ARB2A: variants seen among roughly 807,000 people sequenced by gnomAD.
The protein encoded by ARB2A is ARB2 cotranscriptional regulator A, also known as cotranscriptional regulator ARB2A.
At chr5:93,702,406 T>G in the ARB2A span, among the ~76,000 whole-genome samples, 1 of 152,156 alleles carries the variant, frequency 6.6e-6, no homozygotes, top group African/African-American at 2.4e-5. Context: ...CTTAGCCTAC[T>G]GAATTTTTAT....
At chr5:93,626,112 A>G in the ARB2A span, among the ~76,000 whole-genome samples, 1 of 152,246 alleles carries the variant, frequency 6.6e-6, no homozygotes, top group African/African-American at 2.4e-5. Context: ...TTTTGAAGCT[A>G]TATGTCATTT....
the ARB2A span, among the ~76,000 whole-genome samples, chr5:93,775,133 A>G: frequency 1.1e-4 from 16 of 152,148 alleles, no homozygotes; most frequent in Non-Finnish European, 2.1e-4. Context: ...TAGACTTATA[A>G]AATTCAGCTG....
the ARB2A span, among the ~76,000 whole-genome samples, chr5:94,079,800 A>G: frequency 6.6e-6 from 1 of 152,200 alleles, no homozygotes; most frequent in South Asian, 2.1e-4. Context: ...TGGCAAAACA[A>G]GCATCTGAAA....
chr5:93,654,714 GC>G, the ARB2A span, among the ~76,000 whole-genome samples: 1 of 152,012 alleles, frequency 6.6e-6, no homozygotes, highest in Non-Finnish European at 1.5e-5. Context: ...CTTGTTACCT[GC>G]AAAACTTATC....
At chr5:93,858,027 T>G in the ARB2A span, among the ~76,000 whole-genome samples, 1 of 152,226 alleles carries the variant, frequency 6.6e-6, no homozygotes, top group Non-Finnish European at 1.5e-5. Context: ...GATTTATTAC[T>G]GCAAAACATC....
chr5:93,718,181 C>T, the ARB2A span, among the ~76,000 whole-genome samples: 2 of 151,988 alleles, frequency 1.3e-5, no homozygotes, highest in Admixed American at 6.5e-5. Flanking sequence ...GTGGCTCACA[C>T]CTGTAATCCC....
the ARB2A span, among the ~76,000 whole-genome samples, chr5:94,009,510 A>G: frequency 1.3e-5 from 2 of 152,090 alleles, no homozygotes; most frequent in East Asian, 3.8e-4. Flanking sequence ...TACCTTACAT[A>G]GAATTAATAT....
chr5:93,836,354 G>T, the ARB2A span, among the ~76,000 whole-genome samples: 1 of 152,152 alleles, frequency 6.6e-6, no homozygotes, highest in South Asian at 2.1e-4. Flanking sequence ...TTCAGCAATT[G>T]GCCAGTGGAG....
At chr5:93,898,210 A>T in the ARB2A span, among the ~76,000 whole-genome samples, 1 of 151,938 alleles carries the variant, frequency 6.6e-6, no homozygotes. Flanking sequence ...GTTCTTTTAG[A>T]TACTTTTATT....
the ARB2A span, among the ~76,000 whole-genome samples, chr5:93,776,761 G>C: frequency 3.3e-5 from 5 of 152,128 alleles, no homozygotes; most frequent in African/African-American, 1.2e-4. Context: ...CTGGGTGACA[G>C]AGGGAGACCC....
At chr5:93,923,969 G>A in the ARB2A span, among the ~76,000 whole-genome samples, 2 of 152,118 alleles carry the variant, frequency 1.3e-5, no homozygotes, top group African/African-American at 4.8e-5. Flanking sequence ...GAGAGGGACA[G>A]AGAAAGAAGA....
the ARB2A span, among the ~76,000 whole-genome samples, chr5:93,982,931 T>C: frequency 6.6e-6 from 1 of 152,098 alleles, no homozygotes; most frequent in Non-Finnish European, 1.5e-5. Flanking sequence ...GGCATGCACC[T>C]GTAGCCTCAA....
At chr5:93,907,392 T>C in the ARB2A span, among the ~76,000 whole-genome samples, 1 of 151,620 alleles carries the variant, frequency 6.6e-6, no homozygotes, top group Admixed American at 6.6e-5. Context: ...CAAGGATTCT[T>C]ATTTTCAGAT....
the ARB2A span, among the ~76,000 whole-genome samples, chr5:93,678,754 TAA>T: frequency 2.4e-4 from 33 of 137,576 alleles, no homozygotes; most frequent in Admixed American, 8.7e-4. Flanking sequence ...AGACTTCGTC[TAA>T]AAAAAAAAAA....
the ARB2A span, among the ~76,000 whole-genome samples, chr5:93,710,590 T>G: frequency 6.6e-6 from 1 of 152,184 alleles, no homozygotes; most frequent in Middle Eastern, 3.2e-3. Flanking sequence ...TAAAGGTGAC[T>G]GTAGTATTTA....
chr5:94,004,233 A>C, the ARB2A span, among the ~76,000 whole-genome samples: 1 of 152,234 alleles, frequency 6.6e-6, no homozygotes, highest in Non-Finnish European at 1.5e-5. Context: ...ACTTCTAGAA[A>C]AATGTAAAAG....
chr5:93,918,168 A>G, the ARB2A span, among the ~76,000 whole-genome samples: 1 of 152,132 alleles, frequency 6.6e-6, no homozygotes, highest in African/African-American at 2.4e-5. Context: ...ATCAACAACT[A>G]AACTCACCAG....
At chr5:93,838,145 T>C in the ARB2A span, among the ~76,000 whole-genome samples, 1 of 152,158 alleles carries the variant, frequency 6.6e-6, no homozygotes, top group Non-Finnish European at 1.5e-5. Context: ...TTAAGTTTTA[T>C]ATTTAAGTCT....
At chr5:93,713,448 TA>T in the ARB2A span, among the ~76,000 whole-genome samples, 6 of 151,890 alleles carry the variant, frequency 4.0e-5, no homozygotes, top group African/African-American at 4.8e-5. Flanking sequence ...AAGAGGTACA[TA>T]AAAAAAAGTT....
Sources: gnomAD v4.1 joint callset for allele counts (sites outside exome capture counted in the v4.1 genomes callset) on GRCh38, gnomAD v4.1.1 for gene constraint, MANE v1.5 for transcripts, NCBI Gene and HGNC (gene_info 2026-07-23, HGNC 2026-07-21) for gene names.